LRRC4C: variants seen among roughly 807,000 people sequenced by gnomAD.
LRRC4C encodes leucine rich repeat containing 4C.
LRRC4C carries 5 observed loss-of-function variants against 33.6 expected under a neutral mutation model. That is an observed-to-expected ratio of 0.15 (90% CI 0.08 to 0.31). The LOEUF (loss-of-function observed/expected upper bound fraction) is 0.31. Among genes scored for constraint, LRRC4C ranks in the 10% least tolerant of loss-of-function variants. The pLI, the probability that LRRC4C is intolerant of heterozygous loss-of-function variation, is 1.00. For synonymous variants in LRRC4C, 329 were observed against 302.0 expected (o/e 1.09, Z -0.93); for missense variants, 560 against 796.7 (o/e 0.70, Z 3.58).
At chr11:40,797,389 C>A (rs766834296) in intron 2 of LRRC4C, among the ~76,000 whole-genome samples, 1 of 151,970 alleles carries the variant, frequency 6.6e-6, no homozygotes, top group Non-Finnish European at 1.5e-5. Flanking sequence ...CTGGACAGAT[C>A]TTGGGACATC....
intron 1 of LRRC4C, among the ~76,000 whole-genome samples, chr11:41,107,075 T>TTG (rs58068649): frequency 2.3e-5 from 3 of 132,596 alleles, no homozygotes; most frequent in Non-Finnish European, 5.0e-5. Context: ...TTTTTTTTTT[T>TTG]GAATTTTGGA....
chr11:40,511,380 A>C (rs1218466824), intron 3 of LRRC4C, among the ~76,000 whole-genome samples: 1 of 152,238 alleles, frequency 6.6e-6, no homozygotes, highest in Non-Finnish European at 1.5e-5. Context: ...AGAAATCAAG[A>C]GCTCAAAGAG....
intron 2 of LRRC4C, among the ~76,000 whole-genome samples, chr11:40,818,766 C>T (rs541706288): frequency 1.4e-4 from 21 of 152,078 alleles, no homozygotes; most frequent in Non-Finnish European, 2.4e-4. Flanking sequence ...CAATAGGATA[C>T]ATACTAAATT....
chr11:40,395,812 C>A (rs1949515435), intron 3 of LRRC4C, among the ~76,000 whole-genome samples: 1 of 152,000 alleles, frequency 6.6e-6, no homozygotes, highest in African/African-American at 2.4e-5. Context: ...TGTGTTGAAA[C>A]CTTATCTGTA....
At chr11:40,886,933 C>A (rs984113337) in intron 2 of LRRC4C, among the ~76,000 whole-genome samples, 5 of 144,254 alleles carry the variant, frequency 3.5e-5, no homozygotes, top group African/African-American at 1.3e-4. Flanking sequence ...TATATATATA[C>A]GTGTACGTAT....
chr11:40,784,775 G>T (rs929063732), intron 2 of LRRC4C, among the ~76,000 whole-genome samples: 1 of 152,128 alleles, frequency 6.6e-6, no homozygotes, highest in East Asian at 1.9e-4. Context: ...CAAAAATTGC[G>T]CTGATCTTTA....
chr11:40,387,461 C>T lies in LRRC4C; in HGVS notation c.-269-67740G>A, dbSNP rs539031419. On this transcript the variant is annotated intron_variant, in intron 3 of 6. Coordinates refer to ENST00000528697, the MANE Select transcript of LRRC4C (RefSeq NM_001258419.2). ...GCAGTCATAGGTTTCCTTCACTCTA[C>T]GCACAGTACCCATGACTAACTCTTC... 3.9e-5 allele frequency among the ~76,000 whole-genome samples: 6 copies of T among 152,274 alleles called. 1 individual carries two copies. The East Asian group carries it at 7.7e-4, about 20-fold the overall frequency.
intron 2 of LRRC4C, among the ~76,000 whole-genome samples, chr11:40,871,116 T>C (rs1035233162): frequency 1.3e-5 from 2 of 152,146 alleles, no homozygotes; most frequent in Non-Finnish European, 2.9e-5. Context: ...TAAATTTTGG[T>C]CAGACCGGTT....
At chr11:40,393,940 A>G (rs10837396) in intron 3 of LRRC4C, among the ~76,000 whole-genome samples, 51,278 of 151,864 alleles carry the variant, frequency 0.34, 9,782 homozygotes, top group South Asian at 0.47. Context: ...GACTCTTAAG[A>G]GAAAAAAAAT....
intron 3 of LRRC4C, among the ~76,000 whole-genome samples, chr11:40,324,349 T>A (rs1004874077): frequency 6.6e-6 from 1 of 152,156 alleles, no homozygotes; most frequent in African/African-American, 2.4e-5. Flanking sequence ...TTGTCAGATG[T>A]CAAAAGAGGC....
intron 1 of LRRC4C, among the ~76,000 whole-genome samples, chr11:41,064,815 C>T (rs563460926): frequency 1.3e-5 from 2 of 152,306 alleles, no homozygotes; most frequent in East Asian, 1.9e-4. Flanking sequence ...GGGAAGTGCA[C>T]GGAGTCGGGG....
chr11:40,286,363 C>T (rs558734420), intron 4 of LRRC4C, among the ~76,000 whole-genome samples: 3 of 152,018 alleles, frequency 2.0e-5, no homozygotes, highest in East Asian at 3.9e-4. Flanking sequence ...CTTGTAAACC[C>T]GGGAAGTGTT....
At position 40,144,114 on chromosome 11, in the gene LRRC4C, A is replaced by T. The variant is rs577490643; in HGVS notation, c.-95-3261T>A. On this transcript the variant is annotated intron_variant, in intron 5 of 6. Coordinates refer to ENST00000528697, the MANE Select transcript of LRRC4C (RefSeq NM_001258419.2). ...AATTTTTTTAGGTTTCAATTTCCTC[A>T]TCTGTAAAATTAAGGTGATAATAAT... Among the ~76,000 whole-genome samples the T allele has an allele frequency of 1.4e-4, 21 of 152,266 alleles. No homozygotes were observed. The South Asian group carries it at 3.9e-3, about 29-fold the overall frequency.
chr11:41,067,007 A>G (rs878990261), intron 1 of LRRC4C, among the ~76,000 whole-genome samples: 2 of 152,196 alleles, frequency 1.3e-5, no homozygotes, highest in Non-Finnish European at 2.9e-5. Context: ...AGCTGCATCA[A>G]CTAGTGTGCA....
chr11:40,509,111 A>G (rs928566807), intron 3 of LRRC4C, among the ~76,000 whole-genome samples: 1 of 152,182 alleles, frequency 6.6e-6, no homozygotes, highest in Non-Finnish European at 1.5e-5. Flanking sequence ...ACTTCATCAC[A>G]GCATAATTAT....
At chr11:40,852,102 C>A (rs1953535547) in intron 2 of LRRC4C, among the ~76,000 whole-genome samples, 1 of 151,874 alleles carries the variant, frequency 6.6e-6, no homozygotes, top group Non-Finnish European at 1.5e-5. Flanking sequence ...GCTGGGATTA[C>A]CGGCGTGAGC....
chr11:40,273,988 G>A (rs1160968652), intron 4 of LRRC4C, among the ~76,000 whole-genome samples: 1 of 151,980 alleles, frequency 6.6e-6, no homozygotes. Context: ...GTGGCTATAG[G>A]GCATTTGACA....
chr11:40,669,311 T>C (rs562546216), intron 2 of LRRC4C, among the ~76,000 whole-genome samples: 1 of 152,284 alleles, frequency 6.6e-6, no homozygotes, highest in African/African-American at 2.4e-5. Flanking sequence ...AGCAACAATA[T>C]ACCAAAACAG....
intron 1 of LRRC4C, among the ~76,000 whole-genome samples, chr11:41,336,983 A>T (rs1268471266): frequency 6.6e-6 from 1 of 152,206 alleles, no homozygotes; most frequent in East Asian, 1.9e-4. Context: ...ATGACTATTC[A>T]TAGCAGCAGA....
Sources: allele counts gnomAD v4.1 joint callset (sites outside exome capture counted in the v4.1 genomes callset), GRCh38; gene constraint gnomAD v4.1.1; transcripts MANE v1.5; gene names NCBI Gene and HGNC (gene_info 2026-07-23, HGNC 2026-07-21).